Variants in NRXN1 observed in about 807,000 individuals in gnomAD.
NRXN1 encodes neurexin 1, also known as neurexin-1.
NRXN1 carries 39 observed loss-of-function variants against 150.9 expected under a neutral mutation model. The ratio of observed to expected loss-of-function variants is 0.26; its 90% CI spans 0.20 to 0.34. NRXN1 has a LOEUF of 0.34. Among genes scored for constraint, NRXN1 ranks in the 10% least tolerant of loss-of-function variants. The probability of loss-of-function intolerance (pLI) is 1.00; values close to 1 mark genes in which losing one functional copy is unlikely to be tolerated. For missense variants in NRXN1, 1,815 were observed against 1,949.9 expected, an observed-to-expected ratio of 0.93 and a Z score of 1.30; for synonymous variants, 924 against 757.0, an observed-to-expected ratio of 1.22 and a Z score of -3.62.
At chr2:50,375,334 C>T (rs1409141305) in intron 17 of NRXN1, among the ~76,000 whole-genome samples, 2 of 151,128 alleles carry the variant, frequency 1.3e-5, no homozygotes, top group African/African-American at 4.9e-5. Flanking sequence ...TACTTCCCAA[C>T]ATTATTTCAT....
intron 17 of NRXN1, among the ~76,000 whole-genome samples, chr2:50,334,325 TA>T (rs1359947417): frequency 2.6e-5 from 4 of 151,762 alleles, no homozygotes; most frequent in Non-Finnish European, 5.9e-5. Context: ...TGTCTGGAAT[TA>T]CTAACAAAAA....
intron 17 of NRXN1, among the ~76,000 whole-genome samples, chr2:50,261,730 T>G (rs1278523245): frequency 6.6e-6 from 1 of 151,914 alleles, no homozygotes; most frequent in African/African-American, 2.4e-5. Context: ...TTATATAAAG[T>G]GAATTCTTTA....
At chr2:50,449,330 T>C (rs964582908) in intron 17 of NRXN1, among the ~76,000 whole-genome samples, 1 of 152,204 alleles carries the variant, frequency 6.6e-6, no homozygotes, top group Non-Finnish European at 1.5e-5. Context: ...ACTAAACAAG[T>C]TAATCCAAAA....
At chr2:50,779,847 C>T (rs182304982) in intron 5 of NRXN1, among the ~76,000 whole-genome samples, 14 of 152,202 alleles carry the variant, frequency 9.2e-5, no homozygotes, top group African/African-American at 2.6e-4. Flanking sequence ...TATGTCTTTA[C>T]AGTAGAATGA....
At chr2:50,508,904 A>C (rs2092346647) in intron 12 of NRXN1, among the ~76,000 whole-genome samples, 1 of 152,202 alleles carries the variant, frequency 6.6e-6, no homozygotes, top group Admixed American at 6.5e-5. Context: ...TCACTTCAAC[A>C]CAATGTTACC....
chr2:51,008,730 TATATAA>T (rs1371455411), intron 2 of NRXN1, among the ~76,000 whole-genome samples: 1 of 151,622 alleles, frequency 6.6e-6, no homozygotes, highest in African/African-American at 2.4e-5. Context: ...TTTGTAAATA[TATATAA>T]ATATAAATTT....
At chr2:50,367,382 T>C (rs2153015835) in intron 17 of NRXN1, among the ~76,000 whole-genome samples, 1 of 152,138 alleles carries the variant, frequency 6.6e-6, no homozygotes, top group South Asian at 2.1e-4. Flanking sequence ...AAACACATCT[T>C]CCCAGGTAAT....
At chr2:50,658,935 T>A (rs1010540337) in intron 5 of NRXN1, among the ~76,000 whole-genome samples, 3 of 151,982 alleles carry the variant, frequency 2.0e-5, no homozygotes, top group African/African-American at 7.2e-5. Context: ...CTTTTATACT[T>A]TGGGTAGGCA....
chr2:50,561,725 T>A (rs1415377415), intron 8 of NRXN1, among the ~76,000 whole-genome samples: 1 of 152,184 alleles, frequency 6.6e-6, no homozygotes, highest in Non-Finnish European at 1.5e-5. Context: ...GTTAGCTTCA[T>A]AATAAGTTGA....
At chr2:50,001,301 G>C (rs1683881074) in intron 21 of NRXN1, among the ~76,000 whole-genome samples, 4 of 152,074 alleles carry the variant, frequency 2.6e-5, no homozygotes, top group Admixed American at 2.6e-4. Context: ...TCAATAAATA[G>C]TATTTATAAC....
intron 18 of NRXN1, among the ~76,000 whole-genome samples, chr2:50,092,473 T>G (rs1437628182): frequency 6.6e-6 from 1 of 152,146 alleles, no homozygotes; most frequent in Non-Finnish European, 1.5e-5. Flanking sequence ...AAACTGTCTG[T>G]GGTTCACCCT....
intron 2 of NRXN1, among the ~76,000 whole-genome samples, chr2:50,978,148 A>C (rs2104850175): frequency 6.6e-6 from 1 of 150,602 alleles, no homozygotes; most frequent in African/African-American, 2.4e-5. Flanking sequence ...TAAACAAAAT[A>C]GGAAAAAGAA....
chr2:50,890,056 A>G (rs1210442751), intron 5 of NRXN1, among the ~76,000 whole-genome samples: 3 of 151,760 alleles, frequency 2.0e-5, no homozygotes, highest in Admixed American at 6.6e-5. Flanking sequence ...CATGAGCTTC[A>G]GGTTTTCCTT....
At chr2:51,004,791 C>T (rs973783753) in intron 2 of NRXN1, among the ~76,000 whole-genome samples, 4 of 151,944 alleles carry the variant, frequency 2.6e-5, no homozygotes, top group Non-Finnish European at 5.9e-5. Flanking sequence ...ACCACTTCTC[C>T]ATCTAGAGGA....
At chr2:50,771,788 C>A (rs1703043389) in intron 5 of NRXN1, among the ~76,000 whole-genome samples, 1 of 152,066 alleles carries the variant, frequency 6.6e-6, no homozygotes, top group South Asian at 2.1e-4. Context: ...AACCTAGGGA[C>A]ACACTGATTC....
chr2:50,458,004 A>T (rs895633373), intron 17 of NRXN1, among the ~76,000 whole-genome samples: 1 of 152,176 alleles, frequency 6.6e-6, no homozygotes, highest in Non-Finnish European at 1.5e-5. Flanking sequence ...AAGAAAGGAA[A>T]TCAGTATATC....
At chr2:50,332,526 A>C (rs1003699528) in intron 17 of NRXN1, among the ~76,000 whole-genome samples, 1 of 152,236 alleles carries the variant, frequency 6.6e-6, no homozygotes, top group Non-Finnish European at 1.5e-5. Flanking sequence ...TCTCTGCTGC[A>C]AGGAAAATGT....
intron 5 of NRXN1, among the ~76,000 whole-genome samples, chr2:50,855,637 C>A (rs757270248): frequency 1.1e-4 from 16 of 151,412 alleles, no homozygotes; most frequent in Middle Eastern, 3.4e-3. Context: ...AAGATTTGGC[C>A]GAAAGAAAGT....
At chr2:50,551,093 G>A (rs2105335474) in intron 9 of NRXN1, among the ~76,000 whole-genome samples, 1 of 137,306 alleles carries the variant, frequency 7.3e-6, no homozygotes, top group East Asian at 2.2e-4. Context: ...GGAGGAGGAG[G>A]AGGAGGAGGA....
Sources: allele counts gnomAD v4.1 joint callset (sites outside exome capture counted in the v4.1 genomes callset), GRCh38; gene constraint gnomAD v4.1.1; transcripts MANE v1.5; gene names NCBI Gene and HGNC (gene_info 2026-07-23, HGNC 2026-07-21).